BABAM2: variants seen among roughly 807,000 people sequenced by gnomAD.
The protein encoded by BABAM2 is BRISC and BRCA1-A complex member 2.
A neutral mutation model predicts 54.7 loss-of-function variants in BABAM2; 31 were observed. The ratio of observed to expected loss-of-function variants is 0.57; its 90% CI spans 0.43 to 0.77. BABAM2 has a LOEUF of 0.77. Among genes scored for constraint, BABAM2 ranks in the 30% least tolerant of loss-of-function variants. The probability of loss-of-function intolerance (pLI) is 0.00; values close to 1 mark genes in which losing one functional copy is unlikely to be tolerated. For synonymous variants in BABAM2, 167 were observed against 162.9 expected (o/e 1.03, Z -0.19); for missense variants, 364 against 455.8 (o/e 0.80, Z 1.83).
At chr2:28,326,288 C>A (rs1362180194) in intron 11 of BABAM2, among the ~76,000 whole-genome samples, 1 of 152,196 alleles carries the variant, frequency 6.6e-6, no homozygotes, top group Non-Finnish European at 1.5e-5. Flanking sequence ...TGCACCCCAC[C>A]CCAGGCAGCC....
At chr2:28,326,853 T>C (rs993303256) in intron 11 of BABAM2, among the ~76,000 whole-genome samples, 2 of 152,206 alleles carry the variant, frequency 1.3e-5, no homozygotes, top group Non-Finnish European at 1.5e-5. Context: ...ACAGGAACCA[T>C]CCTAACCTCC....
At chr2:28,042,544 T>C (rs1677188867) in intron 5 of BABAM2, among the ~76,000 whole-genome samples, 2 of 151,932 alleles carry the variant, frequency 1.3e-5, no homozygotes, top group Admixed American at 6.6e-5. Flanking sequence ...GACCGAGAAA[T>C]GATCATTGAA....
At chr2:28,298,545 C>A in intron 11 of BABAM2, 54 bp downstream of exon 11, 1 of 1,603,980 alleles carries the variant, frequency 6.2e-7, no homozygotes. Context: ...TTTATCTAGT[C>A]CAGGGGTTGG....
rs1558606458 is a variant in BABAM2 at position 27,942,831 on chromosome 2, A to ATTTATTT, written c.205+12923_205+12924insTTTATTT. Among the ~76,000 whole-genome samples the ATTTATTT allele has an allele frequency of 2.1e-4, 10 of 48,460 alleles. No individual in the cohort carries two copies. The South Asian group carries it at 3.8e-3, about 18-fold the overall frequency. The allele number at this position is 48,460 out of a possible 152,430, so 31.8% of individuals were successfully genotyped here. A position where few individuals can be genotyped will look rare whatever the true frequency, so the allele number is the denominator to read the frequency against. On this transcript the variant is annotated intron_variant, in intron 3 of 11. Coordinates refer to ENST00000379624, the MANE Select transcript of BABAM2 (RefSeq NM_199191.3). Reference sequence around the variant, plus strand: ...TTATTTATTTATTTATTTATTTATTAAGACAGGGTCTTGCTTTGTGGCCCA... The same window carrying ATTTATTT: ...TTATTTATTTATTTATTTATTTATTATTTATTTAGACAGGGTCTTGCTTTGTGGCCCA...
At chr2:27,920,572 G>T (rs1271536371) in intron 2 of BABAM2, among the ~76,000 whole-genome samples, 1 of 152,098 alleles carries the variant, frequency 6.6e-6, no homozygotes, top group Non-Finnish European at 1.5e-5. Context: ...TGATCTTTGA[G>T]CATATTTTAT....
At chr2:28,250,021 G>C (rs925475073) in intron 10 of BABAM2, among the ~76,000 whole-genome samples, 8 of 152,192 alleles carry the variant, frequency 5.3e-5, no homozygotes, top group African/African-American at 1.7e-4. Flanking sequence ...GTGACAAATA[G>C]CGTGATGGAA....
intron 3 of BABAM2, among the ~76,000 whole-genome samples, chr2:27,977,147 C>G (rs2148463967): frequency 6.6e-6 from 1 of 152,234 alleles, no homozygotes; most frequent in South Asian, 2.1e-4. Context: ...GCACAACAGC[C>G]TACATTGCTG....
chr2:28,129,257 A>G lies in BABAM2; in HGVS notation c.571-14A>G, dbSNP rs1390767771. 1 of 1,600,982 alleles carries G rather than the reference A, an allele frequency of 6.2e-7. No homozygotes were observed. The highest frequency in any genetic ancestry group is 1.3e-5 in the African/African-American group (1 of 74,704). On this transcript the variant is annotated splice_polypyrimidine_tract_variant and intron_variant, in intron 6 of 11. Transcript: ENST00000379624. ...GAACAGGTGCTGATGTTGTGTTTTC[A>G]CTTCTTGTTTAAGGATGTAAATGAA...
chr2:28,247,593 G>A (rs1683017271), intron 10 of BABAM2, among the ~76,000 whole-genome samples: 1 of 152,140 alleles, frequency 6.6e-6, no homozygotes, highest in Non-Finnish European at 1.5e-5. Flanking sequence ...GAGGTGAAAA[G>A]GAGGAAGGAA....
At chr2:28,224,704 A>G (rs1313921489) in intron 7 of BABAM2, among the ~76,000 whole-genome samples, 3 of 152,140 alleles carry the variant, frequency 2.0e-5, no homozygotes, top group Non-Finnish European at 2.9e-5. Context: ...GGTTAACAGT[A>G]AGAGCAACAT....
chr2:28,190,664 G>A (rs922470237), intron 7 of BABAM2, among the ~76,000 whole-genome samples: 1 of 152,100 alleles, frequency 6.6e-6, no homozygotes, highest in African/African-American at 2.4e-5. Flanking sequence ...TCCAGCCTGG[G>A]CAACAAGGCA....
intron 10 of BABAM2, among the ~76,000 whole-genome samples, chr2:28,272,334 G>A (rs1338865781): frequency 6.6e-6 from 1 of 152,142 alleles, no homozygotes; most frequent in Non-Finnish European, 1.5e-5. Flanking sequence ...TAATAATTTG[G>A]ACATGTCATG....
intron 11 of BABAM2, among the ~76,000 whole-genome samples, chr2:28,334,588 T>G (rs1691253872): frequency 6.6e-6 from 1 of 152,170 alleles, no homozygotes; most frequent in Admixed American, 6.5e-5. Context: ...CAGGCCAGAG[T>G]CCATGCAGCA....
chr2:28,314,130 C>G (rs1395879736), intron 11 of BABAM2, among the ~76,000 whole-genome samples: 1 of 152,172 alleles, frequency 6.6e-6, no homozygotes, highest in Non-Finnish European at 1.5e-5. Flanking sequence ...CCAGTGCCTC[C>G]TAATCACCTT....
intron 10 of BABAM2, among the ~76,000 whole-genome samples, chr2:28,269,220 G>C (rs563962694): frequency 6.3e-4 from 96 of 152,284 alleles, no homozygotes; most frequent in Admixed American, 1.6e-3. Context: ...CTGGCAAACT[G>C]TCTGTAAATA....
chr2:28,261,186 C>T (rs1050373350), intron 10 of BABAM2, among the ~76,000 whole-genome samples: 1 of 152,096 alleles, frequency 6.6e-6, no homozygotes, highest in African/African-American at 2.4e-5. Flanking sequence ...AAGTGATCCA[C>T]CCACCTCAGT....
intron 11 of BABAM2, among the ~76,000 whole-genome samples, chr2:28,323,738 G>A (rs1690218434): frequency 6.6e-6 from 1 of 152,206 alleles, no homozygotes; most frequent in Admixed American, 6.5e-5. Context: ...GGAGTTTTAA[G>A]ATGACCTTTA....
intron 10 of BABAM2, among the ~76,000 whole-genome samples, chr2:28,293,104 T>C (rs1358781621): frequency 1.3e-5 from 2 of 152,248 alleles, no homozygotes; most frequent in African/African-American, 2.4e-5. Flanking sequence ...GAATTGTGAC[T>C]ACTTGCCTTT....
chr2:28,256,449 C>T (rs1683979904), intron 10 of BABAM2, among the ~76,000 whole-genome samples: 2 of 152,000 alleles, frequency 1.3e-5, no homozygotes, highest in Admixed American at 6.6e-5. Context: ...AAAGAAAATG[C>T]GTAAAGATAC....
Sources: allele counts gnomAD v4.1 joint callset (sites outside exome capture counted in the v4.1 genomes callset), GRCh38; gene constraint gnomAD v4.1.1; transcripts MANE v1.5; gene names NCBI Gene and HGNC (gene_info 2026-07-23, HGNC 2026-07-21).